The following TYR variants were observed in gnomAD, a reference collection of about 807,000 sequenced individuals.
TYR encodes the protein LB24-AB.
Under a neutral mutation model 51.5 loss-of-function variants are expected in TYR, and 58 were observed. The observed-to-expected ratio is 1.13, with a 90% CI of 0.91 to 1.40. The LOEUF is 1.40. TYR is among the 40% of genes most tolerant of loss of function. The pLI is 0.00. For missense variants in TYR, 732 were observed against 647.4 expected (o/e 1.13, Z -1.42); for synonymous variants, 263 against 235.2 (o/e 1.12, Z -1.08).
At chr11:89,198,043 A>C (rs1341775461) in intron 2 of TYR, among the ~76,000 whole-genome samples, 1 of 152,120 alleles carries the variant, frequency 6.6e-6, no homozygotes, top group Non-Finnish European at 1.5e-5. Context: ...GTGGTAAATG[A>C]GCTGTGGGCT....
At chr11:89,261,301 A>T (rs1392568974) in intron 3 of TYR, among the ~76,000 whole-genome samples, 3 of 152,138 alleles carry the variant, frequency 2.0e-5, no homozygotes, top group Non-Finnish European at 4.4e-5. Flanking sequence ...TGGATTTTTT[A>T]AAATGACCTC....
intron 3 of TYR, among the ~76,000 whole-genome samples, chr11:89,239,093 T>C (rs1385445552): frequency 6.6e-6 from 1 of 152,188 alleles, no homozygotes; most frequent in Admixed American, 6.6e-5. Flanking sequence ...AAGCTGGCCT[T>C]CTGAAATGAG....
chr11:89,204,756 C>A (rs374340543), intron 2 of TYR, among the ~76,000 whole-genome samples: 1 of 151,038 alleles, frequency 6.6e-6, no homozygotes, highest in Non-Finnish European at 1.5e-5. Flanking sequence ...TCATAAAATA[C>A]CCAAAATGTC....
intron 3 of TYR, among the ~76,000 whole-genome samples, chr11:89,278,496 A>C (rs1335161284): frequency 6.6e-6 from 1 of 151,816 alleles, no homozygotes; most frequent in African/African-American, 2.4e-5. Flanking sequence ...TGTGTATGTA[A>C]GTTTTTTTTG....
intron 4 of TYR, among the ~76,000 whole-genome samples, chr11:89,289,082 AAC>A (rs1240587056): frequency 6.6e-6 from 1 of 152,008 alleles, no homozygotes; most frequent in East Asian, 1.9e-4. Flanking sequence ...TCATATGTAT[AAC>A]TAATTTACAA....
In TYR at chr11:89,191,316, C is replaced by T. The variant is rs61754377; in HGVS notation, c.934C>T (p.Leu312Phe). Reference sequence around the variant, plus strand: ...CCATGACAAATCCAGAACCCCAAGGCTCCCCTCTTCAGCTGATGTAGAATT... The same window carrying T: ...CCATGACAAATCCAGAACCCCAAGGTTCCCCTCTTCAGCTGATGTAGAATT... ...GNHDKSRTPR[L>F]PSSADVEFCL... Residue 312 changes from leucine to phenylalanine, a missense_variant, in exon 2 of 5, where the codon CTC becomes TTC. By Grantham distance (22) the Leu-to-Phe change is conservative. Transcript: ENST00000263321. The T allele has an allele frequency of 5.6e-6, 9 of 1,613,754 alleles. No individual in the cohort carries two copies. The highest frequency in any genetic ancestry group is 4.0e-5 in the African/African-American group (3 of 75,000).
At position 89,178,618 on chromosome 11, in the gene TYR, T is replaced by C. The variant is rs34878847; in HGVS notation, c.665T>C (p.Ile222Thr). ...RLFLLRWEQE[I>T]QKLTGDENFT... ...TTCTTGTTGCGGTGGGAACAAGAAA[T>C]CCAGAAGCTGACAGGAGATGAAAAC... Residue 222 changes from isoleucine (I) to threonine (T), a missense_variant, in exon 1 of 5, where the codon ATC becomes ACC. Transcript: ENST00000263321. The C allele has an allele frequency of 1.4e-4, 224 of 1,612,468 alleles. 1 individual carries two copies. In the African/African-American group the frequency reaches 2.9e-3, roughly 21 times the overall value.
chr11:89,228,179 G>T (rs1044318012), intron 3 of TYR, among the ~76,000 whole-genome samples: 2 of 152,110 alleles, frequency 1.3e-5, no homozygotes, highest in African/African-American at 4.8e-5. Flanking sequence ...TTAAAAGAAG[G>T]TGGATTAGGC....
rs1296165748 is a variant in TYR at position 89,284,813 on chromosome 11, G to C, written c.1225G>C (p.Glu409Gln). The C allele has an allele frequency of 1.2e-6, 2 of 1,611,682 alleles. No homozygotes were observed. Among genetic ancestry groups the C allele is most frequent in the African/African-American group, 1.3e-5 (1 of 74,738 alleles). The change falls in exon 4 of 5, where the codon GAA (glutamate) becomes CAA (glutamine). Residue 409 changes from glutamate to glutamine, a missense_variant. Physicochemically the swap from Glu to Gln is conservative, Grantham distance 29. Coordinates refer to ENST00000263321, the MANE Select transcript of TYR (RefSeq NM_000372.5). Reference sequence around the variant, plus strand: ...GCTCCGAAGGCACCGTCCTCTTCAAGAAGTTTATCCAGAAGCCAATGCACC... The same window carrying C: ...GCTCCGAAGGCACCGTCCTCTTCAACAAGTTTATCCAGAAGCCAATGCACC... Reference protein sequence around the residue: ...QWLRRHRPLQEVYPEANAPIG... With the variant: ...QWLRRHRPLQQVYPEANAPIG...
At chr11:89,208,280 A>G (rs1943700673) in intron 2 of TYR, among the ~76,000 whole-genome samples, 1 of 152,242 alleles carries the variant, frequency 6.6e-6, no homozygotes. Context: ...AAGAAAAGAA[A>G]AAAAGTTTTT....
At chr11:89,286,077 G>A (rs1205029475) in intron 4 of TYR, among the ~76,000 whole-genome samples, 1 of 151,844 alleles carries the variant, frequency 6.6e-6, no homozygotes, top group East Asian at 1.9e-4. Flanking sequence ...GTGCAAGGAA[G>A]TAAAAAACAT....
intron 3 of TYR, among the ~76,000 whole-genome samples, chr11:89,241,082 G>A (rs1410104125): frequency 6.6e-6 from 1 of 152,116 alleles, no homozygotes; most frequent in African/African-American, 2.4e-5. Context: ...AAGGGTATCT[G>A]GGTCATTAAA....
chr11:89,283,529 C>T (rs1944743608), intron 3 of TYR, among the ~76,000 whole-genome samples: 1 of 151,716 alleles, frequency 6.6e-6, no homozygotes, highest in Non-Finnish European at 1.5e-5. Context: ...CAAAAACTAT[C>T]ATATTGGAAA....
In TYR at chr11:89,191,189, G is replaced by T. The variant is rs759839364; in HGVS notation, c.820-13G>T. 21 of 1,611,816 alleles carry T rather than the reference G, an allele frequency of 1.3e-5. 1 individual carries two copies. Among genetic ancestry groups the T allele is most frequent in the African/African-American group, 1.3e-5 (1 of 74,772 alleles). ...TGGTGACAATTTGTTTAACATGAGG[G>T]TGTTTTGTACAGATTGTCTGTAGCC... On this transcript the variant is annotated splice_polypyrimidine_tract_variant and intron_variant, in intron 1 of 4. Transcript: ENST00000263321.
chr11:89,268,672 A>G (rs141129047), intron 3 of TYR, among the ~76,000 whole-genome samples: 87 of 152,010 alleles, frequency 5.7e-4, no homozygotes, highest in Non-Finnish European at 9.9e-4. Context: ...AAATCCAGGA[A>G]CAGTTACTTC....
chr11:89,252,594 A>G (rs1490304058), intron 3 of TYR, among the ~76,000 whole-genome samples: 3 of 152,028 alleles, frequency 2.0e-5, no homozygotes, highest in African/African-American at 7.2e-5. Context: ...CTGAAAAATT[A>G]GAAACCTGGT....
intron 3 of TYR, among the ~76,000 whole-genome samples, chr11:89,280,891 C>G (rs967490659): frequency 3.3e-5 from 5 of 151,606 alleles, no homozygotes; most frequent in African/African-American, 1.2e-4. Context: ...CCTCAAGTTT[C>G]TCTAGTGTAT....
chr11:89,233,872 G>GGCCCTA (rs1944081147), intron 3 of TYR, among the ~76,000 whole-genome samples: 1 of 142,378 alleles, frequency 7.0e-6, no homozygotes, highest in Non-Finnish European at 1.5e-5. Flanking sequence ...ATTTCATAAT[G>GGCCCTA]GGAGTTTCAG....
At chr11:89,293,537 G>A (rs1019233294) in intron 4 of TYR, among the ~76,000 whole-genome samples, 123 of 151,594 alleles carry the variant, frequency 8.1e-4, no homozygotes, top group African/African-American at 2.7e-3. Flanking sequence ...TATGATAAAG[G>A]AAGCAACTAC....
Sources: gnomAD v4.1 joint callset for allele counts (sites outside exome capture counted in the v4.1 genomes callset) on GRCh38, gnomAD v4.1.1 for gene constraint, MANE v1.5 for transcripts, NCBI Gene and HGNC (gene_info 2026-07-23, HGNC 2026-07-21) for gene names.